The following EIPR1 variants were observed in gnomAD, a reference collection of about 807,000 sequenced individuals.
EIPR1 encodes EARP and GARP complex-interacting protein 1.
In EIPR1, 25 loss-of-function variants were observed where a neutral mutation model predicts 48.1. The ratio of observed to expected loss-of-function variants is 0.52; its 90% CI spans 0.38 to 0.73. The LOEUF (loss-of-function observed/expected upper bound fraction) is 0.73, where lower values mean the gene tolerates loss of function less well. EIPR1 is among the 30% of genes least tolerant of loss of function. The pLI is 0.00. For synonymous variants in EIPR1, 204 were observed against 201.9 expected, an observed-to-expected ratio of 1.01 and a Z score of -0.09; for missense variants, 415 against 506.2, an observed-to-expected ratio of 0.82 and a Z score of 1.73.
chr2:3,242,720 T>C (rs1264142656), intron 4 of EIPR1, among the ~76,000 whole-genome samples: 1 of 152,268 alleles, frequency 6.6e-6, no homozygotes, highest in Non-Finnish European at 1.5e-5. Flanking sequence ...ATCTATCCAA[T>C]GATGGTGATT....
In EIPR1 at chr2:3,299,708, T is replaced by C. The variant is rs145378299; in HGVS notation, c.259+38309A>G. 2.8e-3 allele frequency among the ~76,000 whole-genome samples: 430 copies of C among 151,908 alleles called. 4 individuals are homozygous for C. Among genetic ancestry groups the C allele is most frequent in the African/African-American group, 9.8e-3 (404 of 41,378 alleles). The stretch of plus-strand genomic sequence containing the variant: ...AGCTATGTAAGCTCTTCTTAGGTTT[T>C]GCCAAATCACGGAAGACAGACAACC... On this transcript the variant is annotated intron_variant, in intron 3 of 8. Transcript: ENST00000382125.
chr2:3,253,205 G>A (rs972214439), intron 4 of EIPR1, among the ~76,000 whole-genome samples: 6 of 152,116 alleles, frequency 3.9e-5, no homozygotes, highest in Admixed American at 3.9e-4. Context: ...TCAACCAATT[G>A]TTAACCAGAA....
chr2:3,367,130 C>A (rs1206105756), intron 1 of EIPR1, among the ~76,000 whole-genome samples: 1 of 151,080 alleles, frequency 6.6e-6, no homozygotes, highest in South Asian at 2.1e-4. Context: ...AAGGGAACAA[C>A]CTAAAAGACA....
intron 4 of EIPR1, among the ~76,000 whole-genome samples, chr2:3,240,701 C>T (rs1572343411): frequency 6.9e-6 from 1 of 144,184 alleles, no homozygotes; most frequent in Admixed American, 6.9e-5. Context: ...TAAAGCAAAG[C>T]CAGCAGATCC....
At chr2:3,196,407 G>C (rs1009520146) in intron 6 of EIPR1, among the ~76,000 whole-genome samples, 1 of 152,140 alleles carries the variant, frequency 6.6e-6, no homozygotes, top group Non-Finnish European at 1.5e-5. Context: ...TGTTCCATTA[G>C]AGCTGCTGGC....
At chr2:3,195,015 A>G (rs919647616) in intron 6 of EIPR1, among the ~76,000 whole-genome samples, 1 of 152,226 alleles carries the variant, frequency 6.6e-6, no homozygotes, top group African/African-American at 2.4e-5. Flanking sequence ...ATGTACACAC[A>G]CATGCACACA....
chr2:3,348,097 C>T (rs1670458648), intron 2 of EIPR1, among the ~76,000 whole-genome samples: 1 of 152,092 alleles, frequency 6.6e-6, no homozygotes, highest in South Asian at 2.1e-4. Context: ...AAGTTGTCAC[C>T]AATCAGAGGC....
At chr2:3,279,984 C>A (rs752129039) in intron 3 of EIPR1, among the ~76,000 whole-genome samples, 2 of 152,046 alleles carry the variant, frequency 1.3e-5, no homozygotes, top group African/African-American at 4.8e-5. Context: ...TTTGTAAGGA[C>A]GGAGAAAAGA....
chr2:3,223,531 T>C (rs1177652506), intron 4 of EIPR1, among the ~76,000 whole-genome samples: 1 of 152,162 alleles, frequency 6.6e-6, no homozygotes, highest in East Asian at 1.9e-4. Context: ...CTTAAATGCA[T>C]AAAAAATAAA....
At position 3,355,086 on chromosome 2, in the gene EIPR1, A is replaced by G. The variant is rs374224786; in HGVS notation, c.43-453T>C. On this transcript the variant is annotated intron_variant, in intron 1 of 8. Coordinates refer to ENST00000382125, the MANE Select transcript of EIPR1 (RefSeq NM_003310.5). ...TAACCTGAATCTGTTTCACAGCCTCAGATAACTACCAAGGCAACAAAGAAA... is the reference window on the plus strand; with the variant it reads ...TAACCTGAATCTGTTTCACAGCCTCGGATAACTACCAAGGCAACAAAGAAA... 3.4e-3 allele frequency among the ~76,000 whole-genome samples: 524 copies of G among 152,364 alleles called. 4 individuals are homozygous for G. The highest frequency in any genetic ancestry group is 0.012 in the African/African-American group (506 of 41,586).
intron 5 of EIPR1, among the ~76,000 whole-genome samples, chr2:3,202,160 A>G (rs1370383930): frequency 8.4e-4 from 128 of 152,250 alleles, no homozygotes; most frequent in Admixed American, 2.0e-3. Context: ...GATGGTCTCG[A>G]TCTTCTGACC....
In EIPR1 at chr2:3,233,941, A is replaced by G. The variant is rs186677945; in HGVS notation, c.417-19693T>C. Among the ~76,000 whole-genome samples the G allele has an allele frequency of 9.8e-5, 15 of 152,340 alleles. No individual in the cohort carries two copies. The East Asian group carries it at 2.7e-3, about 27-fold the overall frequency. On this transcript the variant is annotated intron_variant, in intron 4 of 8. Transcript: ENST00000382125. ...CTCTATAAGGGGCTCAATGACAAGTATTTTCAGTTTTGTGGGCCAGGTCAG... is the reference window on the plus strand; with the variant it reads ...CTCTATAAGGGGCTCAATGACAAGTGTTTTCAGTTTTGTGGGCCAGGTCAG...
intron 1 of EIPR1, among the ~76,000 whole-genome samples, chr2:3,375,876 A>G (rs1659859014): frequency 6.6e-6 from 1 of 152,220 alleles, no homozygotes; most frequent in African/African-American, 2.4e-5. Flanking sequence ...ACTGGTAGTT[A>G]AGCTATCAGT....
chr2:3,275,647 A>G (rs922656337), intron 3 of EIPR1, among the ~76,000 whole-genome samples: 5 of 152,186 alleles, frequency 3.3e-5, no homozygotes, highest in Admixed American at 2.6e-4. Context: ...TTTTATGGAA[A>G]AGAGACTCCA....
intron 1 of EIPR1, among the ~76,000 whole-genome samples, chr2:3,373,929 T>G (rs967121061): frequency 4.6e-5 from 7 of 151,666 alleles, no homozygotes; most frequent in Non-Finnish European, 8.8e-5. Flanking sequence ...AAGTCAATCC[T>G]AAGCCAAAAG....
chr2:3,209,057 C>A, intron 5 of EIPR1: 1 of 1,436,570 alleles, frequency 7.0e-7, no homozygotes, highest in Non-Finnish European at 9.1e-7. Context: ...GGGACGCCTG[C>A]TGGTGGGAAG....
At chr2:3,341,257 C>T (rs1402588888) in intron 2 of EIPR1, among the ~76,000 whole-genome samples, 1 of 152,100 alleles carries the variant, frequency 6.6e-6, no homozygotes, top group Non-Finnish European at 1.5e-5. Flanking sequence ...AGAAGGAGCA[C>T]CTTGTGCGAT....
intron 4 of EIPR1, among the ~76,000 whole-genome samples, chr2:3,256,668 A>T (rs1398901375): frequency 6.6e-6 from 1 of 152,230 alleles, no homozygotes; most frequent in Admixed American, 6.5e-5. Flanking sequence ...TGCCCCCGCA[A>T]TCTCCTTTAG....
intron 3 of EIPR1, among the ~76,000 whole-genome samples, chr2:3,302,922 G>A (rs1267461323): frequency 6.6e-6 from 1 of 152,154 alleles, no homozygotes; most frequent in East Asian, 1.9e-4. Flanking sequence ...AGGTCAGCAG[G>A]AGGGAGGGCC....
Sources: allele counts gnomAD v4.1 joint callset (sites outside exome capture counted in the v4.1 genomes callset), GRCh38; gene constraint gnomAD v4.1.1; transcripts MANE v1.5; gene names NCBI Gene and HGNC (gene_info 2026-07-23, HGNC 2026-07-21).